The following MYBPC1 variants were observed in gnomAD, a reference collection of about 807,000 sequenced individuals.
The protein encoded by MYBPC1 is myosin-binding protein C, slow-type.
A neutral mutation model predicts 147.1 loss-of-function variants in MYBPC1; 52 were observed. That is an observed-to-expected ratio of 0.35 (90% CI 0.28 to 0.45). The LOEUF is 0.45. Among genes scored for constraint, MYBPC1 ranks in the 20% least tolerant of loss-of-function variants. The pLI is 1.00. For missense variants in MYBPC1, 1,228 were observed against 1,440.3 expected (o/e 0.85, Z 2.39); for synonymous variants, 477 against 475.9 (o/e 1.00, Z -0.03).
intron 10 of MYBPC1, among the ~76,000 whole-genome samples, chr12:101,641,118 A>AC (rs1366341168): frequency 6.6e-6 from 1 of 150,614 alleles, no homozygotes; most frequent in Non-Finnish European, 1.5e-5. Context: ...TCTCAAAGAA[A>AC]AAAAAAAAAA....
At position 101,682,342 on chromosome 12, in the gene MYBPC1, T is replaced by A. The variant is rs78488901; in HGVS notation, c.3434-262T>A. Reference sequence around the variant, plus strand: ...TAGTATTATACATATACATGATATATTCTTTTTAGTGAAAATGTAGTAAAT... The same window carrying A: ...TAGTATTATACATATACATGATATAATCTTTTTAGTGAAAATGTAGTAAAT... On this transcript the variant is annotated intron_variant, in intron 29 of 31. Transcript: ENST00000361466. 7.5e-3 allele frequency among the ~76,000 whole-genome samples: 1,145 copies of A among 152,346 alleles called. 17 individuals are homozygous for A. The highest frequency in any genetic ancestry group is 0.027 in the African/African-American group (1,102 of 41,570).
At chr12:101,691,449 T>C in the MYBPC1 span, among the ~76,000 whole-genome samples, 1 of 152,232 alleles carries the variant, frequency 6.6e-6, no homozygotes, top group Non-Finnish European at 1.5e-5. Context: ...AACTGGTTAT[T>C]TCACACACAA....
At chr12:101,603,630 A>G (rs1881011319) in intron 1 of MYBPC1, among the ~76,000 whole-genome samples, 1 of 152,010 alleles carries the variant, frequency 6.6e-6, no homozygotes, top group Admixed American at 6.6e-5. Context: ...TTATCCTATA[A>G]CCCTATAGCC....
At chr12:101,617,824 A>C (rs1238795057) in intron 3 of MYBPC1, among the ~76,000 whole-genome samples, 1 of 152,164 alleles carries the variant, frequency 6.6e-6, no homozygotes, top group Non-Finnish European at 1.5e-5. Context: ...AGATAGTCTC[A>C]TTTTAGAAAA....
In MYBPC1 at chr12:101,680,470, G is replaced by A; in HGVS notation, c.3374G>A (p.Cys1125Tyr). The A allele has an allele frequency of 6.2e-7, 1 of 1,614,152 alleles. No homozygotes were observed. The highest frequency in any genetic ancestry group is 8.5e-7 in the Non-Finnish European group (1 of 1,179,994). ...KPSPYDGGTYCCKAVNDLGTV... is the reference protein window; with the variant it reads ...KPSPYDGGTYYCKAVNDLGTV... Reference sequence around the variant, plus strand: ...AGCCCCTATGATGGAGGCACTTACTGCTGCAAAGCAGTCAATGACCTTGGG... The same window carrying A: ...AGCCCCTATGATGGAGGCACTTACTACTGCAAAGCAGTCAATGACCTTGGG... Residue 1125 changes from cysteine to tyrosine, a missense_variant, in exon 29 of 32, where the codon TGC becomes TAC. Physicochemically the swap from Cys to Tyr is radical, Grantham distance 194 (BLOSUM62 -2). Coordinates refer to ENST00000361466, the MANE Select transcript of MYBPC1 (RefSeq NM_002465.4).
intron 1 of MYBPC1, among the ~76,000 whole-genome samples, chr12:101,608,085 G>T (rs999446777): frequency 6.6e-6 from 1 of 152,188 alleles, no homozygotes; most frequent in African/African-American, 2.4e-5. Context: ...GCCATTGGTG[G>T]CATACCTGTG....
At chr12:101,683,693 G>T (rs1281456190) in intron 30 of MYBPC1, among the ~76,000 whole-genome samples, 2 of 152,088 alleles carry the variant, frequency 1.3e-5, no homozygotes, top group African/African-American at 4.8e-5. Context: ...TTGCAGCTGG[G>T]TATGCAACCT....
At chr12:101,628,119 A>C (rs1047692293) in intron 5 of MYBPC1, 1 of 348,218 alleles carries the variant, frequency 2.9e-6, no homozygotes, top group Non-Finnish European at 5.6e-6. Context: ...TCACATTTTT[A>C]TAGAACTTTA....
intron 3 of MYBPC1, 71 bp downstream of exon 3, chr12:101,617,314 G>A: frequency 1.4e-6 from 2 of 1,480,498 alleles, no homozygotes; most frequent in Non-Finnish European, 1.9e-6. Context: ...AGTAATGATT[G>A]TCATGGTGGC....
At chr12:101,603,487 G>A (rs1174571026) in intron 1 of MYBPC1, among the ~76,000 whole-genome samples, 1 of 152,176 alleles carries the variant, frequency 6.6e-6, no homozygotes, top group Non-Finnish European at 1.5e-5. Context: ...GATTGATTGA[G>A]TGTCACTGTG....
chr12:101,610,768 G>A (rs2135742682), intron 1 of MYBPC1, among the ~76,000 whole-genome samples: 1 of 152,292 alleles, frequency 6.6e-6, no homozygotes, highest in Non-Finnish European at 1.5e-5. Flanking sequence ...ATTCAGTGGG[G>A]AAAATGGTGT....
At chr12:101,647,313 T>A (rs570768555) in intron 13 of MYBPC1, among the ~76,000 whole-genome samples, 16 of 152,302 alleles carry the variant, frequency 1.1e-4, no homozygotes, top group Non-Finnish European at 1.9e-4. Context: ...GTCTTCCTTA[T>A]TTTCTTTATG....
rs190111695 is a variant in MYBPC1 at position 101,626,264 on chromosome 12, C to T, written c.104-608C>T. ...TATTCTGCACATAAACACTAAAAGACATATTTTGAATTTCACAAATACATA... is the reference window on the plus strand; with the variant it reads ...TATTCTGCACATAAACACTAAAAGATATATTTTGAATTTCACAAATACATA... On this transcript the variant is annotated intron_variant, in intron 3 of 31. Coordinates refer to ENST00000361466, the MANE Select transcript of MYBPC1 (RefSeq NM_002465.4). Among the ~76,000 whole-genome samples the T allele has an allele frequency of 5.3e-5, 8 of 152,120 alleles. No homozygotes were observed. The East Asian group carries it at 1.4e-3, about 26-fold the overall frequency.
intron 19 of MYBPC1, chr12:101,660,619 C>A: frequency 6.1e-6 from 1 of 163,468 alleles, no homozygotes; most frequent in Non-Finnish European, 1.3e-5. Context: ...CCATATTGAG[C>A]ACAAATTTTT....
intron 1 of MYBPC1, among the ~76,000 whole-genome samples, chr12:101,598,302 G>A (rs903605224): frequency 6.6e-6 from 1 of 152,154 alleles, no homozygotes; most frequent in African/African-American, 2.4e-5. Flanking sequence ...TTACAGGCAT[G>A]AGCCACTGTG....
chr12:101,636,552 GTTGA>G, intron 9 of MYBPC1, 116 bp from the exon 10 acceptor site: 1 of 791,870 alleles, frequency 1.3e-6, no homozygotes, highest in South Asian at 1.4e-5. Context: ...AATAGTTTGT[GTTGA>G]TTTAGTCCTT....
At chr12:101,675,205 A>C in intron 25 of MYBPC1, 87 bp from the exon 26 acceptor site, 3 of 1,541,882 alleles carry the variant, frequency 1.9e-6, no homozygotes, top group South Asian at 2.3e-5. Context: ...TAACAGAGGA[A>C]AGGGTCTTTT....
At chr12:101,599,490 C>T (rs1429939932) in intron 1 of MYBPC1, among the ~76,000 whole-genome samples, 3 of 152,188 alleles carry the variant, frequency 2.0e-5, no homozygotes, top group Non-Finnish European at 4.4e-5. Context: ...AGTCATCCAT[C>T]AGAAAAGGAC....
chr12:101,620,463 A>G (rs1887123721), intron 3 of MYBPC1, among the ~76,000 whole-genome samples: 1 of 152,212 alleles, frequency 6.6e-6, no homozygotes, highest in Admixed American at 6.5e-5. Context: ...CCTGGAGCCA[A>G]GTTACACTTT....
Sources: gnomAD v4.1 joint callset for allele counts (sites outside exome capture counted in the v4.1 genomes callset) on GRCh38, gnomAD v4.1.1 for gene constraint, MANE v1.5 for transcripts, NCBI Gene and HGNC (gene_info 2026-07-23, HGNC 2026-07-21) for gene names.